The following DZIP3 variants were observed in gnomAD, a reference collection of about 807,000 sequenced individuals.
DZIP3 encodes E3 ubiquitin-protein ligase DZIP3.
In DZIP3, 118 loss-of-function variants were observed where a neutral mutation model predicts 162.0. The observed-to-expected ratio is 0.73, with a 90% CI of 0.63 to 0.85. The LOEUF is 0.85. Ranked by LOEUF, DZIP3 falls within the 40% of genes least tolerant of loss-of-function variation. DZIP3 has a pLI of 0.00. For synonymous variants in DZIP3, 438 were observed against 458.6 expected (o/e 0.96, Z 0.57); for missense variants, 1,331 against 1,407.0 (o/e 0.95, Z 0.86).
At chr3:108,625,391 C>T (rs7616747) in intron 6 of DZIP3, among the ~76,000 whole-genome samples, 1,694 of 152,120 alleles carry the variant, frequency 0.011, 8 homozygotes, top group Non-Finnish European at 0.017. Flanking sequence ...TCAGAAAAGC[C>T]CTTATTTTGG....
chr3:108,605,992 G>A (rs1940344549), intron 2 of DZIP3, among the ~76,000 whole-genome samples: 1 of 152,138 alleles, frequency 6.6e-6, no homozygotes, highest in Admixed American at 6.5e-5. Context: ...TCCTCACTGA[G>A]GAGCTAAGAA....
At chr3:108,617,440 T>G (rs1344034511) in intron 5 of DZIP3, among the ~76,000 whole-genome samples, 1 of 152,160 alleles carries the variant, frequency 6.6e-6, no homozygotes, top group Non-Finnish European at 1.5e-5. Context: ...TTAATCAGCT[T>G]CTCTTTCTTC....
chr3:108,593,231 A>C (rs1167708278), intron 1 of DZIP3, among the ~76,000 whole-genome samples: 1 of 152,194 alleles, frequency 6.6e-6, no homozygotes, highest in Non-Finnish European at 1.5e-5. Context: ...GCACTGTCCT[A>C]AGGACTTTCT....
chr3:108,599,585 T>C (rs755882267), intron 1 of DZIP3, among the ~76,000 whole-genome samples: 4 of 152,188 alleles, frequency 2.6e-5, no homozygotes, highest in Non-Finnish European at 5.9e-5. Flanking sequence ...ATAAAGACTT[T>C]CATAGTGCTG....
intron 12 of DZIP3, among the ~76,000 whole-genome samples, chr3:108,640,277 T>A (rs1296130461): frequency 6.6e-6 from 1 of 151,998 alleles, no homozygotes; most frequent in African/African-American, 2.4e-5. Flanking sequence ...GATTATTTAC[T>A]TTTTCTATCA....
intron 21 of DZIP3, among the ~76,000 whole-genome samples, chr3:108,664,879 T>C (rs1036436945): frequency 1.3e-5 from 2 of 152,338 alleles, no homozygotes; most frequent in Non-Finnish European, 2.9e-5. Flanking sequence ...GCTGAACTTG[T>C]ACATCTCTCG....
Position 108,643,870 on chromosome 3 carries a change from C to T in DZIP3, c.1142-294C>T, listed in dbSNP as rs557530713. 1.9e-4 allele frequency among the ~76,000 whole-genome samples: 29 copies of T among 152,114 alleles called. 1 individual carries two copies. In the East Asian group the frequency reaches 2.1e-3, roughly 11 times the overall value. ...TTTTTAAAGACCTAATACTGTGATG[C>T]CATGTTGTTGCTAAAGGTCATTTAC... On this transcript the variant is annotated intron_variant, in intron 13 of 32. Transcript: ENST00000361582.
chr3:108,671,030 C>G (rs1053493821), intron 22 of DZIP3, among the ~76,000 whole-genome samples: 3 of 151,602 alleles, frequency 2.0e-5, no homozygotes, highest in Non-Finnish European at 4.4e-5. Context: ...GATACAAGTC[C>G]CTTATCGGAT....
At chr3:108,651,498 C>G (rs552869427) in intron 18 of DZIP3, among the ~76,000 whole-genome samples, 1 of 151,450 alleles carries the variant, frequency 6.6e-6, no homozygotes, top group East Asian at 1.9e-4. Context: ...CAACTAAGAC[C>G]TAATTTTAAA....
At chr3:108,611,586 T>G (rs1384883393) in intron 4 of DZIP3, among the ~76,000 whole-genome samples, 3 of 152,102 alleles carry the variant, frequency 2.0e-5, no homozygotes, top group Non-Finnish European at 4.4e-5. Context: ...GACTACAAGG[T>G]CTAGTGTTTA....
In DZIP3 at chr3:108,625,919, T is replaced by G; in HGVS notation, c.531T>G (p.Phe177Leu). ...MIQENEICEN[F>L]MSLVYFGRGL... ...AAGAAAATGAAATTTGTGAAAACTT[T>G]ATGTCTTTAGTTTATTTTGGACGTG... Residue 177 changes from phenylalanine (F) to leucine (L), a missense_variant, in exon 7 of 33, where the codon TTT becomes TTG. Coordinates refer to ENST00000361582, the MANE Select transcript of DZIP3 (RefSeq NM_014648.4). 4 of 1,613,604 alleles carry G rather than the reference T, an allele frequency of 2.5e-6. No individual in the cohort carries two copies. Among genetic ancestry groups the G allele is most frequent in the Non-Finnish European group, 3.4e-6 (4 of 1,179,832 alleles).
chr3:108,616,799 T>A, intron 5 of DZIP3, 142 bp downstream of exon 5: 1 of 581,070 alleles, frequency 1.7e-6, no homozygotes. Context: ...TATGTATAAA[T>A]TGATTGCCTT....
intron 17 of DZIP3, among the ~76,000 whole-genome samples, chr3:108,650,204 T>C (rs113830751): frequency 0.015 from 2,301 of 151,942 alleles, 72 homozygotes; most frequent in African/African-American, 0.052. Context: ...AAAGTTGTCA[T>C]GGGAGGAGCC....
chr3:108,642,288 T>G (rs1942431955), intron 12 of DZIP3, 150 bp from the exon 13 acceptor site: 2 of 843,928 alleles, frequency 2.4e-6, no homozygotes, highest in South Asian at 3.7e-5. Context: ...TCATTGTTGG[T>G]GAGCTCTATT....
chr3:108,633,077 T>C lies in DZIP3; in HGVS notation c.816+5T>C. The C allele has an allele frequency of 8.0e-6, 11 of 1,375,076 alleles. No individual in the cohort carries two copies. Among genetic ancestry groups the C allele is most frequent in the Non-Finnish European group, 1.0e-5 (11 of 1,057,084 alleles). The allele number at this position is 1,375,076 out of a possible 1,614,324, so 85.2% of individuals were successfully genotyped here. On this transcript the variant is annotated splice_donor_5th_base_variant and intron_variant, in intron 9 of 32. Transcript: ENST00000361582. ...TTGAAGAACACCAGTTATAAGGTAC[T>C]GTAATTGTCAATTAACAGTATTTTT...
At chr3:108,685,717 A>G (rs530487781) in intron 27 of DZIP3, among the ~76,000 whole-genome samples, 1 of 152,182 alleles carries the variant, frequency 6.6e-6, no homozygotes, top group East Asian at 1.9e-4. Flanking sequence ...GGTTGTTTGA[A>G]AAATGTAACT....
At chr3:108,634,517 TG>T (rs772958290) in intron 9 of DZIP3, among the ~76,000 whole-genome samples, 42 of 152,090 alleles carry the variant, frequency 2.8e-4, no homozygotes, top group Middle Eastern at 3.4e-3. Context: ...GGTATGGAGC[TG>T]GGGATGGAGG....
Position 108,672,557 on chromosome 3 carries a change from C to A in DZIP3, c.2493-3C>A. ...GCGAGTCTTTAATGATCATGTATTTCAGATCTCAGTGGGAAATGGAAAAAC... is the reference window on the plus strand; with the variant it reads ...GCGAGTCTTTAATGATCATGTATTTAAGATCTCAGTGGGAAATGGAAAAAC... On this transcript the variant is annotated splice_region_variant and splice_polypyrimidine_tract_variant and intron_variant, in intron 22 of 32. Transcript: ENST00000361582. 1 of 1,609,996 alleles carries A rather than the reference C, an allele frequency of 6.2e-7. No homozygotes were observed. The highest frequency in any genetic ancestry group is 8.5e-7 in the Non-Finnish European group (1 of 1,177,208).
At chr3:108,683,395 C>G (rs1054822566) in intron 26 of DZIP3, among the ~76,000 whole-genome samples, 1 of 152,152 alleles carries the variant, frequency 6.6e-6, no homozygotes, top group African/African-American at 2.4e-5. Context: ...TAATTTTTCA[C>G]ATGATATTTT....
Sources: gnomAD v4.1 joint callset for allele counts (sites outside exome capture counted in the v4.1 genomes callset) on GRCh38, gnomAD v4.1.1 for gene constraint, MANE v1.5 for transcripts, NCBI Gene and HGNC (gene_info 2026-07-23, HGNC 2026-07-21) for gene names.